SRFBP1: variants seen among roughly 807,000 people sequenced by gnomAD.
SRFBP1 encodes serum response factor binding protein 1.
In SRFBP1, 47 loss-of-function variants were observed where a neutral mutation model predicts 45.5. That is an observed-to-expected ratio of 1.03 (90% confidence interval 0.82 to 1.32). The LOEUF (loss-of-function observed/expected upper bound fraction) is 1.32. Ranked by LOEUF, SRFBP1 falls within the 40% of genes most tolerant of loss-of-function variation. The pLI is 0.00. For synonymous variants in SRFBP1, 203 were observed against 166.3 expected, an observed-to-expected ratio of 1.22 and a Z score of -1.70; for missense variants, 621 against 484.6, an observed-to-expected ratio of 1.28 and a Z score of -2.64.
intron 6 of SRFBP1, 31 bp downstream of exon 6, chr5:122,020,833 A>G (rs1307733317): frequency 1.3e-6 from 2 of 1,484,094 alleles, no homozygotes; most frequent in Admixed American, 2.5e-5. Context: ...TGAAATAATC[A>G]TTAGTTCTTT....
intron 2 of SRFBP1, among the ~76,000 whole-genome samples, chr5:122,068,753 T>C (rs1642236378): frequency 1.3e-5 from 2 of 152,104 alleles, no homozygotes; most frequent in Non-Finnish European, 2.9e-5. Context: ...CCTATTTATG[T>C]TTGCATTATT....
chr5:122,049,071 T>C (rs1440630564), intron 2 of SRFBP1, among the ~76,000 whole-genome samples: 1 of 152,182 alleles, frequency 6.6e-6, no homozygotes, highest in Admixed American at 6.5e-5. Flanking sequence ...ATCTTAGTTA[T>C]TTCTTGTCTT....
intron 6 of SRFBP1, among the ~76,000 whole-genome samples, chr5:122,022,136 A>G (rs1753339341): frequency 6.6e-6 from 1 of 152,190 alleles, no homozygotes; most frequent in Non-Finnish European, 1.5e-5. Context: ...AATTCTCTTT[A>G]AAGGTGGTGA....
At chr5:121,966,599 G>A (rs974387673) in intron 1 of SRFBP1, among the ~76,000 whole-genome samples, 5 of 152,120 alleles carry the variant, frequency 3.3e-5, no homozygotes, top group African/African-American at 4.8e-5. Flanking sequence ...CATTTAGTGC[G>A]TAAATAATTT....
chr5:122,077,040 C>A, downstream of SRFBP1: 1 of 1,605,566 alleles, frequency 6.2e-7, no homozygotes, highest in Non-Finnish European at 8.5e-7. This position sits in a 1 kb window ranked among gnomAD's most constrained non-coding sequence, Gnocchi z 4.9. Context: ...AGTGAAACAA[C>A]CCGGCGCCCC....
At chr5:122,053,470 G>A (rs1196966062) in intron 2 of SRFBP1, among the ~76,000 whole-genome samples, 3 of 152,118 alleles carry the variant, frequency 2.0e-5, no homozygotes, top group Non-Finnish European at 2.9e-5. Flanking sequence ...CCCTCCAACT[G>A]AGTTCATGCA....
At chr5:121,964,733 G>T (rs1011701821) in intron 1 of SRFBP1, among the ~76,000 whole-genome samples, 1 of 152,142 alleles carries the variant, frequency 6.6e-6, no homozygotes, top group Non-Finnish European at 1.5e-5. Flanking sequence ...GGGTCAAATG[G>T]TATTTCTATT....
At chr5:122,039,640 A>G (rs1456908139) in intron 2 of SRFBP1, among the ~76,000 whole-genome samples, 1 of 152,150 alleles carries the variant, frequency 6.6e-6, no homozygotes, top group Non-Finnish European at 1.5e-5. Flanking sequence ...GCAATTTTCA[A>G]GATAGAGTTT....
intron 5 of SRFBP1, 26 bp downstream of exon 5, chr5:122,019,367 A>G: frequency 6.4e-7 from 1 of 1,550,972 alleles, no homozygotes; most frequent in Non-Finnish European, 8.8e-7. Context: ...CTTTTAAGCC[A>G]TGTACTTAAT....
chr5:122,035,052 G>A (rs1304912506), intron 2 of SRFBP1, among the ~76,000 whole-genome samples: 1 of 151,282 alleles, frequency 6.6e-6, no homozygotes, highest in East Asian at 1.9e-4. Flanking sequence ...TTTTTTTGTT[G>A]TTGTTGTTGT....
At chr5:122,059,536 A>G (rs1754139198) in intron 2 of SRFBP1, among the ~76,000 whole-genome samples, 3 of 152,092 alleles carry the variant, frequency 2.0e-5, no homozygotes, top group Admixed American at 1.3e-4. Flanking sequence ...AAATTTTTCT[A>G]TACCCCTAAT....
At chr5:121,991,093 GT>G (rs1166395518) in intron 3 of SRFBP1, among the ~76,000 whole-genome samples, 2 of 152,076 alleles carry the variant, frequency 1.3e-5, no homozygotes, top group Non-Finnish European at 2.9e-5. Context: ...GAAGTTGTCC[GT>G]CATCCCAGGC....
At chr5:122,053,684 G>C (rs1426224536) in intron 2 of SRFBP1, among the ~76,000 whole-genome samples, 2 of 152,158 alleles carry the variant, frequency 1.3e-5, no homozygotes, top group African/African-American at 2.4e-5. Flanking sequence ...CCAGTGGTGA[G>C]GATGGGTGGA....
chr5:121,991,752 A>G (rs1170815107), intron 3 of SRFBP1, among the ~76,000 whole-genome samples: 3 of 152,156 alleles, frequency 2.0e-5, no homozygotes, highest in Non-Finnish European at 4.4e-5. Flanking sequence ...CAGCTTTCCT[A>G]TCCATCCATA....
intron 2 of SRFBP1, among the ~76,000 whole-genome samples, chr5:122,047,187 A>G (rs1753877410): frequency 6.6e-6 from 1 of 152,212 alleles, no homozygotes; most frequent in African/African-American, 2.4e-5. Flanking sequence ...TAGGTCTAAC[A>G]TTTAAGTCTT....
Position 122,020,700 on chromosome 5 carries a change from C to G in SRFBP1, c.965C>G (p.Thr322Ser). ...TTTCTTAAAGAAGATACAGGTGAAACTCATGGGGATACAAGAAATGACAAA... is the reference window on the plus strand; with the variant it reads ...TTTCTTAAAGAAGATACAGGTGAAAGTCATGGGGATACAAGAAATGACAAA... The part of the protein sequence containing the change: ...KVFLKEDTGE[T>S]HGDTRNDKIK... The change falls in exon 6 of 8, where the codon ACT becomes AGT. Residue 322 changes from threonine (T) to serine (S), a missense_variant. Thr to Ser is a moderately conservative substitution (Grantham distance 58). Transcript: ENST00000339397. 1 of 1,613,634 alleles carries G rather than the reference C, an allele frequency of 6.2e-7. No individual in the cohort carries two copies. The highest frequency in any genetic ancestry group is 1.1e-5 in the South Asian group (1 of 90,948).
chr5:122,070,218 A>G (rs755558884), intron 2 of SRFBP1: 1 of 1,041,552 alleles, frequency 9.6e-7, no homozygotes, highest in Non-Finnish European at 1.5e-6. Context: ...TAGGGCTACA[A>G]TAAGGAAATT....
At chr5:121,988,299 C>T (rs1176872479) in intron 3 of SRFBP1, among the ~76,000 whole-genome samples, 2 of 152,104 alleles carry the variant, frequency 1.3e-5, no homozygotes, top group African/African-American at 2.4e-5. Context: ...ATGATTTCCT[C>T]TTCTATAAAA....
Position 121,974,083 on chromosome 5 carries a change from C to T in SRFBP1, c.37-113C>T. The T allele has an allele frequency of 6.1e-6, 4 of 653,000 alleles. No homozygotes were observed. The South Asian group carries it at 7.8e-5, about 13-fold the overall frequency. The allele number at this position is 653,000 out of a possible 1,614,324, so 40.5% of individuals were successfully genotyped here. A position where few individuals can be genotyped will look rare whatever the true frequency, so the allele number is the denominator to read the frequency against. ...TCATCAAGCTACGAATATAGTTAGA[C>T]AATAAAAGTAGTTAAAGTGGTAGAC... On this transcript the variant is annotated intron_variant, in intron 1 of 7. Transcript: ENST00000339397.
Sources: allele counts gnomAD v4.1 joint callset (sites outside exome capture counted in the v4.1 genomes callset), GRCh38; gene constraint gnomAD v4.1.1; non-coding constraint Gnocchi (gnomAD v3.1); transcripts MANE v1.5; gene names NCBI Gene and HGNC (gene_info 2026-07-23, HGNC 2026-07-21).